The following LSAMP variants were observed in gnomAD, a reference collection of about 807,000 sequenced individuals.
The protein encoded by LSAMP is limbic system associated membrane protein.
Under a neutral mutation model 38.6 loss-of-function variants are expected in LSAMP, and 7 were observed. The observed-to-expected ratio is 0.18, with a 90% CI of 0.10 to 0.34. The LOEUF (loss-of-function observed/expected upper bound fraction) is 0.34. LSAMP is among the 10% of genes least tolerant of loss of function. The pLI is 1.00. For missense variants in LSAMP, 313 were observed against 420.0 expected, an observed-to-expected ratio of 0.75 and a Z score of 2.23; for synonymous variants, 154 against 166.8, an observed-to-expected ratio of 0.92 and a Z score of 0.59.
intron 1 of LSAMP, among the ~76,000 whole-genome samples, chr3:116,406,217 A>C (rs1432596316): frequency 6.6e-6 from 1 of 152,108 alleles, no homozygotes; most frequent in Non-Finnish European, 1.5e-5. Context: ...GATGTACTGC[A>C]TGAAGCAGTA....
intron 1 of LSAMP, among the ~76,000 whole-genome samples, chr3:116,107,828 G>A (rs1428073787): frequency 6.6e-6 from 1 of 152,148 alleles, no homozygotes; most frequent in East Asian, 1.9e-4. Flanking sequence ...AATGGATTGT[G>A]GAGGGAGGTA....
At chr3:115,952,487 T>C (rs1355831704) in intron 3 of LSAMP, among the ~76,000 whole-genome samples, 1 of 152,202 alleles carries the variant, frequency 6.6e-6, no homozygotes, top group African/African-American at 2.4e-5. Flanking sequence ...AAATATCATA[T>C]GTACTCACTC....
In LSAMP at chr3:115,810,216, C is replaced by T. The variant is rs377224600; in HGVS notation, c.*101G>A. The T allele has an allele frequency of 1.3e-3, 1,012 of 753,918 alleles. 4 individuals are homozygous for T. The African/African-American group carries it at 0.017, about 13-fold the overall frequency. 46.7% of individuals were successfully genotyped at this position (753,918 alleles called of 1,614,324 possible). ...CACAAAGTTGTGAAATAAACGGTCT[C>T]CCCCATCTCTCTCTCTCTCTCTCTC... On this transcript the variant is annotated 3_prime_UTR_variant, in exon 7 of 7. Transcript: ENST00000490035.
chr3:116,339,545 G>A (rs1006118707), intron 1 of LSAMP, among the ~76,000 whole-genome samples: 8 of 151,848 alleles, frequency 5.3e-5, no homozygotes, highest in Non-Finnish European at 1.2e-4. Flanking sequence ...CCATGGGGAA[G>A]TAGGGTCTGC....
At chr3:116,344,058 T>G (rs2048031906) in intron 1 of LSAMP, among the ~76,000 whole-genome samples, 1 of 152,040 alleles carries the variant, frequency 6.6e-6, no homozygotes, top group African/African-American at 2.4e-5. Context: ...TATAGAGTAA[T>G]AAGCTCATCA....
chr3:116,128,209 T>C (rs977524159), intron 1 of LSAMP, among the ~76,000 whole-genome samples: 13 of 152,256 alleles, frequency 8.5e-5, no homozygotes, highest in African/African-American at 3.1e-4. Flanking sequence ...CATTACATAG[T>C]TGAAGAAGAA....
chr3:116,305,050 T>G (rs1355920543), intron 1 of LSAMP, among the ~76,000 whole-genome samples: 1 of 152,156 alleles, frequency 6.6e-6, no homozygotes, highest in Non-Finnish European at 1.5e-5. Flanking sequence ...GTGCTACTTA[T>G]AGCAAGTTTG....
At chr3:116,371,161 A>G (rs1268896802) in intron 1 of LSAMP, among the ~76,000 whole-genome samples, 1 of 152,170 alleles carries the variant, frequency 6.6e-6, no homozygotes, top group African/African-American at 2.4e-5. Flanking sequence ...AACTTTTCCA[A>G]ATATTTGAAG....
intron 3 of LSAMP, among the ~76,000 whole-genome samples, chr3:115,974,013 C>T (rs1157646072): frequency 3.3e-5 from 5 of 152,018 alleles, no homozygotes; most frequent in Admixed American, 2.6e-4. Flanking sequence ...AAAAATATAA[C>T]GCTGAAGGTA....
At chr3:116,398,200 C>T (rs1229730765) in intron 1 of LSAMP, among the ~76,000 whole-genome samples, 1 of 151,936 alleles carries the variant, frequency 6.6e-6, no homozygotes, top group Non-Finnish European at 1.5e-5. Flanking sequence ...TATTACTATA[C>T]AGTCCTGAGC....
intron 6 of LSAMP, among the ~76,000 whole-genome samples, chr3:115,827,265 C>T (rs1934448667): frequency 6.6e-6 from 1 of 151,602 alleles, no homozygotes; most frequent in African/African-American, 2.4e-5. Flanking sequence ...ATGCTTGCTG[C>T]TGTGTGAGCT....
intron 3 of LSAMP, among the ~76,000 whole-genome samples, chr3:115,915,700 T>G (rs1220766596): frequency 6.6e-6 from 1 of 151,914 alleles, no homozygotes; most frequent in Non-Finnish European, 1.5e-5. Flanking sequence ...TGGCGCAATC[T>G]CGGCTCACTG....
chr3:116,162,537 A>G (rs1481824330), intron 1 of LSAMP, among the ~76,000 whole-genome samples: 1 of 152,054 alleles, frequency 6.6e-6, no homozygotes, highest in Non-Finnish European at 1.5e-5. Context: ...TCCTCCACAT[A>G]TTATTTTTAT....
intron 1 of LSAMP, among the ~76,000 whole-genome samples, chr3:116,332,903 A>G (rs2047869102): frequency 6.6e-6 from 1 of 152,084 alleles, no homozygotes; most frequent in Non-Finnish European, 1.5e-5. Flanking sequence ...AACAAAGGGA[A>G]TTATATATTA....
intron 1 of LSAMP, among the ~76,000 whole-genome samples, chr3:116,299,610 C>T (rs2047380621): frequency 6.6e-6 from 1 of 152,172 alleles, no homozygotes; most frequent in South Asian, 2.1e-4. Context: ...TTTCGAGACT[C>T]TGAAATATTT....
chr3:116,018,736 A>T (rs1940553115), intron 3 of LSAMP, among the ~76,000 whole-genome samples: 1 of 152,164 alleles, frequency 6.6e-6, no homozygotes, highest in Non-Finnish European at 1.5e-5. Context: ...TCAAACATTT[A>T]AAAAAAGTTC....
At chr3:116,338,680 G>A (rs755424212) in intron 1 of LSAMP, among the ~76,000 whole-genome samples, 8 of 152,024 alleles carry the variant, frequency 5.3e-5, no homozygotes, top group Non-Finnish European at 8.8e-5. Context: ...AAGGGGAGAA[G>A]GAGTTAATAG....
chr3:116,107,501 T>C (rs1708495109), intron 1 of LSAMP, among the ~76,000 whole-genome samples: 4 of 152,072 alleles, frequency 2.6e-5, no homozygotes, highest in East Asian at 3.9e-4. Context: ...GAATTCTGAC[T>C]GCACTAACCA....
chr3:116,106,392 G>T (rs561178390), intron 1 of LSAMP, among the ~76,000 whole-genome samples: 1 of 152,210 alleles, frequency 6.6e-6, no homozygotes, highest in East Asian at 1.9e-4. Context: ...AGTCTAAGTT[G>T]GTCTGGTGTC....
Sources: allele counts gnomAD v4.1 joint callset (sites outside exome capture counted in the v4.1 genomes callset), GRCh38; gene constraint gnomAD v4.1.1; transcripts MANE v1.5; gene names NCBI Gene and HGNC (gene_info 2026-07-23, HGNC 2026-07-21).